EEA1: variants seen among roughly 807,000 people sequenced by gnomAD.
The protein encoded by EEA1 is early endosome antigen 1.
Under a neutral mutation model 209.2 loss-of-function variants are expected in EEA1, and 111 were observed. The ratio of observed to expected loss-of-function variants is 0.53; its 90% confidence interval spans 0.45 to 0.62. EEA1 has a LOEUF of 0.62. EEA1 is among the 20% of genes least tolerant of loss of function. The pLI, the probability that EEA1 is intolerant of heterozygous loss-of-function variation, is 0.00. For synonymous variants in EEA1, 536 were observed against 540.6 expected (o/e 0.99, Z 0.12); for missense variants, 1,343 against 1,530.8 (o/e 0.88, Z 2.05).
chr12:92,813,143 C>T, intron 15 of EEA1, 50 bp from the exon 16 acceptor site: 2 of 1,289,824 alleles, frequency 1.6e-6, no homozygotes, highest in Non-Finnish European at 2.1e-6. Flanking sequence ...TCTTGATTTC[C>T]TCTTGCTTGA....
intron 20 of EEA1, among the ~76,000 whole-genome samples, chr12:92,800,485 T>C (rs1874857874): frequency 6.6e-6 from 1 of 152,202 alleles, no homozygotes; most frequent in African/African-American, 2.4e-5. Context: ...TATCCAAAGT[T>C]ACTTTTGAAA....
At position 92,776,278 on chromosome 12, in the gene EEA1, GTTAAC is replaced by G. The variant is rs1159648597; in HGVS notation, c.4114-150_4114-146del. 2.9e-5 allele frequency: 21 copies of G among 716,938 alleles called. No individual in the cohort carries two copies. In the Admixed American group the frequency reaches 5.4e-4, roughly 18 times the overall value. 44.4% of individuals were successfully genotyped at this position (716,938 alleles called of 1,614,324 possible). On this transcript the variant is annotated intron_variant, in intron 28 of 28. Transcript: ENST00000322349. ...ATTATTTAATGATATGTTTCAATAT[GTTAAC>G]TTAATCTCTGTTATAATTAAATTGA...
rs566646872 is a variant in EEA1 at position 92,910,405 on chromosome 12, G to T, written c.24+18638C>A. Reference sequence around the variant, plus strand: ...AATCGCTTGAACTCGGGAGGCGGAGGTTGCAGTGAGCCAAGATCATGCCAC... The same window carrying T: ...AATCGCTTGAACTCGGGAGGCGGAGTTTGCAGTGAGCCAAGATCATGCCAC... On this transcript the variant is annotated intron_variant, in intron 1 of 28. Coordinates refer to ENST00000322349, the MANE Select transcript of EEA1 (RefSeq NM_003566.4). Among the ~76,000 whole-genome samples the T allele has an allele frequency of 1.8e-3, 274 of 151,572 alleles. 1 individual carries two copies. The highest frequency in any genetic ancestry group is 6.4e-3 in the African/African-American group (265 of 41,330).
chr12:92,823,701 A>AG, intron 13 of EEA1, among the ~76,000 whole-genome samples: 1 of 152,294 alleles, frequency 6.6e-6, no homozygotes, highest in East Asian at 1.9e-4. Context: ...ATTCCTCCCC[A>AG]GGGAATAAGA....
At chr12:92,832,928 A>T (rs1876727868) in intron 10 of EEA1, 78 bp from the exon 11 acceptor site, 1 of 1,025,678 alleles carries the variant, frequency 9.7e-7, no homozygotes, top group Non-Finnish European at 1.4e-6. Flanking sequence ...TCTTTGGAGC[A>T]GTACTGTCTC....
Position 92,853,932 on chromosome 12 carries a change from A to G in EEA1, c.389T>C (p.Val130Ala). 1.2e-6 allele frequency: 2 copies of G among 1,603,262 alleles called. No individual in the cohort carries two copies. The highest frequency in any genetic ancestry group is 1.1e-5 in the South Asian group (1 of 88,620). The change falls in exon 6 of 29, where the codon GTG becomes GCG. Residue 130 changes from valine (V) to alanine (A), a missense_variant. Val to Ala is a moderately conservative substitution (Grantham distance 64). Transcript: ENST00000322349. ...AAAGTTACCTGCTGATGAATCAGTC[A>G]CCAACCCATCAGGTTTGGCCTCCTC... ...QQQEAKPDGL[V>A]TDSSAELQSL...
intron 21 of EEA1, among the ~76,000 whole-genome samples, chr12:92,791,964 G>A (rs1226427341): frequency 6.6e-6 from 1 of 152,214 alleles, no homozygotes; most frequent in Non-Finnish European, 1.5e-5. Context: ...TCAGGATTAA[G>A]AAACTCACTG....
chr12:92,929,112 G>C lies in EEA1; in HGVS notation c.-46C>G. 16 of 1,561,560 alleles carry C rather than the reference G, an allele frequency of 1.0e-5. No individual in the cohort carries two copies. The highest frequency in any genetic ancestry group is 1.4e-5 in the African/African-American group (1 of 71,216). On this transcript the variant is annotated 5_prime_UTR_variant, in exon 1 of 29. Coordinates refer to ENST00000322349, the MANE Select transcript of EEA1 (RefSeq NM_003566.4). ...CCGCCGCGGTGACTCTCCAGACCCT[G>C]CGCGGGGCCACTCACTACTCGGGGT...
intron 1 of EEA1, among the ~76,000 whole-genome samples, chr12:92,913,028 C>T (rs543377126): frequency 6.6e-6 from 1 of 152,172 alleles, no homozygotes; most frequent in Non-Finnish European, 1.5e-5. Context: ...CTTTTTTATA[C>T]AGTGATTTGT....
At chr12:92,896,674 G>T (rs532792244) in intron 1 of EEA1, among the ~76,000 whole-genome samples, 1 of 151,688 alleles carries the variant, frequency 6.6e-6, no homozygotes, top group Admixed American at 6.6e-5. Context: ...GTGGTGGTGC[G>T]TGCCTGTAAT....
chr12:92,834,284 C>G lies in EEA1; in HGVS notation c.916-1434G>C, dbSNP rs77385393. ...AGAGGCCAGGTGCAGCAGCTCACAC[C>G]TGTAATCCCAGCACTCTGTGAGGCT... On this transcript the variant is annotated intron_variant, in intron 10 of 28. Coordinates refer to ENST00000322349, the MANE Select transcript of EEA1 (RefSeq NM_003566.4). Among the ~76,000 whole-genome samples, 789 of 152,130 alleles carry G rather than the reference C, an allele frequency of 5.2e-3. 21 individuals carry two copies. The East Asian group carries it at 0.078, about 15-fold the overall frequency.
chr12:92,891,306 C>T (rs6538364), intron 2 of EEA1, among the ~76,000 whole-genome samples: 98,787 of 151,836 alleles, frequency 0.65, 32,651 homozygotes, highest in East Asian at 0.94. Flanking sequence ...AGTCCAATAA[C>T]AGTTCATGAC....
chr12:92,796,941 G>A (rs1874678906), intron 21 of EEA1, among the ~76,000 whole-genome samples: 1 of 152,194 alleles, frequency 6.6e-6, no homozygotes, highest in Non-Finnish European at 1.5e-5. Flanking sequence ...AAGTTAATGT[G>A]TGTCCAAATT....
chr12:92,816,005 G>A (rs1875765155), intron 15 of EEA1, among the ~76,000 whole-genome samples, 195 bp downstream of exon 15: 1 of 150,838 alleles, frequency 6.6e-6, no homozygotes, highest in Non-Finnish European at 1.5e-5. Context: ...GAGGAGGGAG[G>A]GAGAGACAGA....
At position 92,859,025 on chromosome 12, in the gene EEA1, C is replaced by T. The variant is rs553041415; in HGVS notation, c.246-1540G>A. On this transcript the variant is annotated intron_variant, in intron 3 of 28. Coordinates refer to ENST00000322349, the MANE Select transcript of EEA1 (RefSeq NM_003566.4). ...CTTGTTAAAGGAGGTCTGTGCAGAA[C>T]GGTTCTTGTTCAGGTCTCTTATTCT... is the stretch of plus-strand genomic sequence containing the variant. The T allele has an allele frequency of 4.8e-5, 33 of 687,166 alleles. No homozygotes were observed. In the Middle Eastern group the frequency reaches 8.2e-4, roughly 17 times the overall value. 42.6% of individuals were successfully genotyped at this position (687,166 alleles called of 1,614,324 possible).
At chr12:92,879,423 T>C in intron 2 of EEA1, 1 of 408,992 alleles carries the variant, frequency 2.4e-6, no homozygotes, top group South Asian at 1.8e-5. Flanking sequence ...GAAACAAGAG[T>C]AGATCAACAT....
At chr12:92,867,507 T>C (rs1878455559) in intron 2 of EEA1, among the ~76,000 whole-genome samples, 1 of 152,034 alleles carries the variant, frequency 6.6e-6, no homozygotes, top group Non-Finnish European at 1.5e-5. Flanking sequence ...TAAAATCTTC[T>C]AAGGGAGAAA....
chr12:92,908,296 T>A (rs914836812), intron 1 of EEA1, among the ~76,000 whole-genome samples: 2 of 152,104 alleles, frequency 1.3e-5, no homozygotes, highest in Non-Finnish European at 2.9e-5. Flanking sequence ...TGACAGGAAG[T>A]GGAATTGTGG....
At chr12:92,859,293 C>A in intron 3 of EEA1, 3 of 1,533,714 alleles carry the variant, frequency 2.0e-6, no homozygotes, top group Non-Finnish European at 2.7e-6. Context: ...CATCTTTTTT[C>A]CCCATACTTG....
Sources: allele counts gnomAD v4.1 joint callset (sites outside exome capture counted in the v4.1 genomes callset), GRCh38; gene constraint gnomAD v4.1.1; transcripts MANE v1.5; gene names NCBI Gene and HGNC (gene_info 2026-07-23, HGNC 2026-07-21).